Variants in PALLD observed in about 807,000 individuals in gnomAD.
PALLD encodes palladin, cytoskeletal associated protein.
Under a neutral mutation model 123.5 loss-of-function variants are expected in PALLD, and 61 were observed. That is an observed-to-expected ratio of 0.49 (90% CI 0.40 to 0.61). PALLD has a LOEUF of 0.61. PALLD is among the 20% of genes least tolerant of loss of function. The probability of loss-of-function intolerance (pLI) is 0.00; values close to 1 mark genes in which losing one functional copy is unlikely to be tolerated. For synonymous variants in PALLD, 465 were observed against 496.4 expected, an observed-to-expected ratio of 0.94 and a Z score of 0.84; for missense variants, 1,273 against 1,377.0, an observed-to-expected ratio of 0.92 and a Z score of 1.20.
intron 2 of PALLD, among the ~76,000 whole-genome samples, chr4:168,659,233 G>A (rs34743000): frequency 2.6e-5 from 4 of 152,186 alleles, no homozygotes; most frequent in African/African-American, 4.8e-5. Context: ...TCTCCAGTTC[G>A]TGGCAGACCA....
In PALLD at chr4:168,511,800, C is replaced by A. The variant is rs200093398; in HGVS notation, c.296C>A (p.Ser99Ter). The change falls in exon 2 of 22, where the codon TCA becomes TAA. Residue 99 changes from serine to a stop codon, truncating the protein, a stop_gained. Coordinates refer to ENST00000505667, the MANE Select transcript of PALLD (RefSeq NM_001166108.2). LOFTEE classifies it high-confidence loss of function. ...HASRRPQDNR[S>*]TPVQPLAEKQ... is the part of the protein sequence containing the mutation. Reference sequence around the variant, plus strand: ...TCGAGGAGACCTCAGGATAACAGGTCAACACCTGTCCAGCCTCTGGCAGAG... The same window carrying A: ...TCGAGGAGACCTCAGGATAACAGGTAAACACCTGTCCAGCCTCTGGCAGAG... 5.8e-5 allele frequency: 94 copies of A among 1,613,962 alleles called. No homozygotes were observed. The highest frequency in any genetic ancestry group is 6.7e-5 in the Non-Finnish European group (79 of 1,179,996).
chr4:168,762,198 G>A (rs947355683), intron 10 of PALLD, among the ~76,000 whole-genome samples: 23 of 151,684 alleles, frequency 1.5e-4, no homozygotes, highest in African/African-American at 5.6e-4. Flanking sequence ...TCTCGGCTGG[G>A]CGCAGTGGCT....
At chr4:168,513,914 G>C in intron 2 of PALLD, among the ~76,000 whole-genome samples, 1 of 152,086 alleles carries the variant, frequency 6.6e-6, no homozygotes, top group East Asian at 1.9e-4. Context: ...AGACAAGCCT[G>C]GCCAACATGG....
intron 10 of PALLD, chr4:168,878,278 T>G: frequency 6.6e-7 from 1 of 1,526,374 alleles, no homozygotes; most frequent in Middle Eastern, 2.2e-4. Context: ...GCTCGTCGCC[T>G]GCCACCCGCT....
chr4:168,763,319 A>G (rs1270082691), intron 10 of PALLD, among the ~76,000 whole-genome samples: 1 of 152,184 alleles, frequency 6.6e-6, no homozygotes, highest in Non-Finnish European at 1.5e-5. Flanking sequence ...AGTACCTACT[A>G]TGTGCCGGGT....
At chr4:168,566,032 T>C (rs959535422) in intron 2 of PALLD, among the ~76,000 whole-genome samples, 1 of 152,174 alleles carries the variant, frequency 6.6e-6, no homozygotes, top group Non-Finnish European at 1.5e-5. Context: ...TGGATACTAT[T>C]GGTTATAATA....
chr4:168,725,410 G>T (rs918023839), intron 10 of PALLD, among the ~76,000 whole-genome samples: 1 of 151,726 alleles, frequency 6.6e-6, no homozygotes, highest in Non-Finnish European at 1.5e-5. Context: ...ATCTGGTTTC[G>T]GGGATGTATC....
intron 10 of PALLD, among the ~76,000 whole-genome samples, chr4:168,780,118 C>T (rs1007325195): frequency 1.1e-4 from 16 of 152,070 alleles, no homozygotes; most frequent in African/African-American, 3.6e-4. Context: ...AGGCTGGTCT[C>T]GAACTCCTGA....
At chr4:168,677,526 T>C (rs1417905150) in intron 3 of PALLD, among the ~76,000 whole-genome samples, 5 of 152,200 alleles carry the variant, frequency 3.3e-5, no homozygotes, top group Non-Finnish European at 7.3e-5. Context: ...TTTTAATGAT[T>C]GAAACATTTT....
At chr4:168,636,993 A>G (rs1776408761) in intron 2 of PALLD, among the ~76,000 whole-genome samples, 1 of 152,194 alleles carries the variant, frequency 6.6e-6, no homozygotes, top group Admixed American at 6.5e-5. Context: ...AGTCTGTAAG[A>G]GAGATCAGAA....
chr4:168,794,088 G>A (rs1228484124), intron 10 of PALLD, among the ~76,000 whole-genome samples: 1 of 152,112 alleles, frequency 6.6e-6, no homozygotes, highest in African/African-American at 2.4e-5. Flanking sequence ...AGCCTCGACG[G>A]AACCCCTTTT....
chr4:168,734,873 A>G (rs138700885), intron 10 of PALLD, among the ~76,000 whole-genome samples: 37 of 152,188 alleles, frequency 2.4e-4, no homozygotes, highest in African/African-American at 7.2e-4. Context: ...GCAGTGAGCT[A>G]TGATGGCACC....
At chr4:168,614,446 A>T (rs1774027650) in intron 2 of PALLD, among the ~76,000 whole-genome samples, 1 of 152,180 alleles carries the variant, frequency 6.6e-6, no homozygotes, top group South Asian at 2.1e-4. Flanking sequence ...TGTATCTGGA[A>T]ATTGCTCTTA....
chr4:168,752,822 A>G (rs1183464697), intron 10 of PALLD, among the ~76,000 whole-genome samples: 1 of 151,786 alleles, frequency 6.6e-6, no homozygotes, highest in African/African-American at 2.4e-5. Context: ...TAAATTCCCA[A>G]TGTATATTAT....
chr4:168,871,158 C>T (rs189478203), intron 10 of PALLD, among the ~76,000 whole-genome samples: 73 of 152,296 alleles, frequency 4.8e-4, no homozygotes, highest in Non-Finnish European at 8.7e-4. Context: ...CTGCATACCA[C>T]TGTTTTGGAT....
At chr4:168,730,360 C>T (rs1431814697) in intron 10 of PALLD, among the ~76,000 whole-genome samples, 3 of 152,122 alleles carry the variant, frequency 2.0e-5, no homozygotes, top group Admixed American at 1.3e-4. Flanking sequence ...TGGATGCAAT[C>T]GTGTCCTTTG....
chr4:168,725,816 A>C (rs925416895), intron 10 of PALLD, among the ~76,000 whole-genome samples: 1 of 152,060 alleles, frequency 6.6e-6, no homozygotes. Context: ...GTGAGCCACC[A>C]CACCCAGCCT....
At chr4:168,533,839 CAATGTCACAGCT>C (rs1764839184) in intron 2 of PALLD, among the ~76,000 whole-genome samples, 1 of 152,102 alleles carries the variant, frequency 6.6e-6, no homozygotes, top group African/African-American at 2.4e-5. Flanking sequence ...CTAGAGAGAT[CAATGTCACAGCT>C]AAAGGAGGAC....
intron 10 of PALLD, among the ~76,000 whole-genome samples, chr4:168,789,674 A>T (rs905569682): frequency 6.6e-6 from 1 of 151,102 alleles, no homozygotes; most frequent in Non-Finnish European, 1.5e-5. Context: ...ACTGCATTCC[A>T]GCCTGGCAAC....
Sources: gnomAD v4.1 joint callset for allele counts (sites outside exome capture counted in the v4.1 genomes callset) on GRCh38, gnomAD v4.1.1 for gene constraint, MANE v1.5 for transcripts, NCBI Gene and HGNC (gene_info 2026-07-23, HGNC 2026-07-21) for gene names.